Variants in KIAA1217 observed in about 807,000 individuals in gnomAD.
KIAA1217 encodes KIAA1217, also known as sickle tail protein homolog.
A neutral mutation model predicts 163.9 loss-of-function variants in KIAA1217; 88 were observed. The ratio of observed to expected loss-of-function variants is 0.54; its 90% CI spans 0.45 to 0.64. The LOEUF (loss-of-function observed/expected upper bound fraction) is 0.64, where lower values mean the gene tolerates loss of function less well. Among genes scored for constraint, KIAA1217 ranks in the 30% least tolerant of loss-of-function variants. The pLI is 0.00. For missense variants in KIAA1217, 2,372 were observed against 2,475.0 expected (o/e 0.96, Z 0.88); for synonymous variants, 903 against 923.1 (o/e 0.98, Z 0.39).
intron 2 of KIAA1217, among the ~76,000 whole-genome samples, chr10:24,343,087 A>G (rs896918561): frequency 6.6e-6 from 1 of 152,132 alleles, no homozygotes; most frequent in Non-Finnish European, 1.5e-5. Flanking sequence ...CTGCATTTCC[A>G]TCTTTATCCA....
intron 15 of KIAA1217, 44 bp from the exon 16 acceptor site, chr10:24,533,026 C>T: frequency 6.4e-7 from 1 of 1,555,588 alleles, no homozygotes; most frequent in Non-Finnish European, 8.7e-7. Context: ...TTGCTAGCAC[C>T]TAGGAGATGT....
At chr10:23,970,907 G>C (rs1327715889) in intron 1 of KIAA1217, among the ~76,000 whole-genome samples, 1 of 152,184 alleles carries the variant, frequency 6.6e-6, no homozygotes, top group Non-Finnish European at 1.5e-5. Context: ...CTGAGGGGGG[G>C]ATAAGGCAGA....
rs187612205 is a variant in KIAA1217 at position 23,826,789 on chromosome 10, A to G, written c.-321+131555A>G. 4.0e-3 allele frequency among the ~76,000 whole-genome samples: 616 copies of G among 152,224 alleles called. 4 individuals carry two copies. Among genetic ancestry groups the G allele is most frequent in the African/African-American group, 0.014 (570 of 41,538 alleles). ...AAGGGCTATCATATTCTCGGTTACT[A>G]TTCTGTAAACTCCCCACATGCAATG... On this transcript the variant is annotated intron_variant, in intron 1 of 18. Transcript: ENST00000376462.
chr10:23,960,746 C>T (rs1844786230), intron 1 of KIAA1217, among the ~76,000 whole-genome samples: 1 of 152,082 alleles, frequency 6.6e-6, no homozygotes, highest in Non-Finnish European at 1.5e-5. Context: ...TTAACAAAAA[C>T]AAAAATAGAT....
chr10:24,035,777 T>C (rs1051369266), intron 2 of KIAA1217, among the ~76,000 whole-genome samples: 15 of 152,222 alleles, frequency 9.9e-5, no homozygotes, highest in African/African-American at 3.6e-4. Context: ...AAAGAACTAG[T>C]AAACATGGAG....
chr10:24,295,191 C>G (rs565404988), intron 2 of KIAA1217, among the ~76,000 whole-genome samples: 1 of 152,290 alleles, frequency 6.6e-6, no homozygotes, highest in South Asian at 2.1e-4. Context: ...TATCTTAAGT[C>G]TCTTAAAATA....
At chr10:24,409,456 G>A (rs1178522980) in intron 3 of KIAA1217, among the ~76,000 whole-genome samples, 1 of 152,098 alleles carries the variant, frequency 6.6e-6, no homozygotes, top group Non-Finnish European at 1.5e-5. Context: ...AGGGGCTGGA[G>A]GAAGGGATTA....
intron 2 of KIAA1217, among the ~76,000 whole-genome samples, chr10:24,096,021 T>G (rs1305266882): frequency 1.3e-5 from 2 of 152,182 alleles, no homozygotes; most frequent in African/African-American, 2.4e-5. Context: ...GACAGAAAGA[T>G]CGCTTGAGAC....
intron 1 of KIAA1217, among the ~76,000 whole-genome samples, chr10:23,892,742 G>C (rs571158701): frequency 6.6e-6 from 1 of 151,740 alleles, no homozygotes; most frequent in Admixed American, 6.6e-5. Flanking sequence ...AGGGTAATTT[G>C]TTCTACACTA....
chr10:23,745,246 T>A (rs1839336258), intron 1 of KIAA1217, among the ~76,000 whole-genome samples: 2 of 152,218 alleles, frequency 1.3e-5, no homozygotes, highest in African/African-American at 2.4e-5. Flanking sequence ...ACTTAGCACA[T>A]AGTAGGTGCT....
chr10:24,421,153 A>C (rs1056300409), intron 3 of KIAA1217, among the ~76,000 whole-genome samples: 1 of 152,034 alleles, frequency 6.6e-6, no homozygotes, highest in Non-Finnish European at 1.5e-5. Flanking sequence ...CTACAGGCCT[A>C]TGCCACCACA....
intron 2 of KIAA1217, among the ~76,000 whole-genome samples, chr10:24,234,752 C>T (rs1350214622): frequency 2.6e-5 from 4 of 151,880 alleles, no homozygotes; most frequent in East Asian, 3.9e-4. Flanking sequence ...TGGGAAATTC[C>T]GTCCACTAGC....
At chr10:24,009,476 T>C (rs1287473984) in intron 2 of KIAA1217, among the ~76,000 whole-genome samples, 2 of 152,176 alleles carry the variant, frequency 1.3e-5, no homozygotes, top group African/African-American at 4.8e-5. Context: ...TTTCAAATTA[T>C]AGCACTAATG....
chr10:24,513,119 C>G (rs1278289553), intron 9 of KIAA1217, 140 bp from the exon 10 acceptor site: 1 of 788,082 alleles, frequency 1.3e-6, no homozygotes, highest in Admixed American at 2.6e-5. Context: ...AGTCTTTGCT[C>G]CCTTTCCTTT....
At chr10:24,238,297 A>C (rs1207356939) in intron 2 of KIAA1217, among the ~76,000 whole-genome samples, 1 of 152,172 alleles carries the variant, frequency 6.6e-6, no homozygotes, top group East Asian at 1.9e-4. Context: ...CATTATGATA[A>C]ACTCCTATGG....
intron 2 of KIAA1217, among the ~76,000 whole-genome samples, chr10:24,096,871 G>A (rs2062184373): frequency 6.6e-6 from 1 of 152,140 alleles, no homozygotes; most frequent in African/African-American, 2.4e-5. Flanking sequence ...AGAAAGAAGT[G>A]GGTCAGGCTT....
At chr10:24,520,639 AAAAAAAAAAAAAAT>A (rs1262412676) in intron 11 of KIAA1217, among the ~76,000 whole-genome samples, 1 of 56,642 alleles carries the variant, frequency 1.8e-5, no homozygotes, top group Admixed American at 1.8e-4. Context: ...AAAAAAAAAA[AAAAAAAAAAAAAAT>A]ATATATATAT....
At chr10:23,893,620 T>A (rs1239509179) in intron 1 of KIAA1217, among the ~76,000 whole-genome samples, 1 of 152,064 alleles carries the variant, frequency 6.6e-6, no homozygotes, top group Non-Finnish European at 1.5e-5. Context: ...CTTTCTCTTG[T>A]GGGCATTGAG....
At chr10:23,908,154 GC>G (rs1292579230) in intron 1 of KIAA1217, among the ~76,000 whole-genome samples, 1 of 152,132 alleles carries the variant, frequency 6.6e-6, no homozygotes, top group Non-Finnish European at 1.5e-5. Context: ...AATTACAAGA[GC>G]CCGTGCAGCT....
Sources: allele counts gnomAD v4.1 joint callset (sites outside exome capture counted in the v4.1 genomes callset), GRCh38; gene constraint gnomAD v4.1.1; transcripts MANE v1.5; gene names NCBI Gene and HGNC (gene_info 2026-07-23, HGNC 2026-07-21).